ACTN1: variants seen among roughly 807,000 people sequenced by gnomAD.
The protein encoded by ACTN1 is actinin alpha 1, also known as alpha-actinin-1.
In ACTN1, 30 loss-of-function variants were observed where a neutral mutation model predicts 119.6. The ratio of observed to expected loss-of-function variants is 0.25; its 90% CI spans 0.19 to 0.34. The LOEUF (loss-of-function observed/expected upper bound fraction) is 0.34. Among genes scored for constraint, ACTN1 ranks in the 10% least tolerant of loss-of-function variants. ACTN1 has a pLI of 1.00. For missense variants in ACTN1, 764 were observed against 1,223.4 expected (o/e 0.62, Z 5.60); for synonymous variants, 429 against 472.6 (o/e 0.91, Z 1.20).
At chr14:68,945,058 C>T (rs1042842547) in intron 1 of ACTN1, among the ~76,000 whole-genome samples, 2 of 150,700 alleles carry the variant, frequency 1.3e-5, no homozygotes, top group African/African-American at 4.9e-5. Context: ...CCCAGCTACT[C>T]AAAAGGCTAA....
intron 1 of ACTN1, among the ~76,000 whole-genome samples, chr14:68,959,938 T>C (rs2036473186): frequency 6.6e-6 from 1 of 152,226 alleles, no homozygotes; most frequent in Admixed American, 6.5e-5. Context: ...CATAAACATT[T>C]GATTAAAAAC....
At chr14:68,959,600 T>C (rs952534647) in intron 1 of ACTN1, among the ~76,000 whole-genome samples, 5 of 152,202 alleles carry the variant, frequency 3.3e-5, no homozygotes, top group African/African-American at 1.2e-4. Context: ...AATATTAGGC[T>C]AGGCGAAATA....
Position 68,909,593 on chromosome 14 carries a change from G to A in ACTN1, c.516-197C>T, listed in dbSNP as rs1566626735. Reference sequence around the variant, plus strand: ...GGCACTAGGGTCAAGACTTTGTGGGGGGGTTGACAAGTTCAGATAAACCTG... The same window carrying A: ...GGCACTAGGGTCAAGACTTTGTGGGAGGGTTGACAAGTTCAGATAAACCTG... On this transcript the variant is annotated intron_variant, in intron 5 of 21. Transcript: ENST00000394419. The surrounding 1 kb of genome is among the most constrained non-coding windows in gnomAD (Gnocchi z 4.1). Among the ~76,000 whole-genome samples the A allele has an allele frequency of 6.6e-6, 1 of 152,158 alleles. No individual in the cohort carries two copies. Among genetic ancestry groups the A allele is most frequent in the Non-Finnish European group, 1.5e-5 (1 of 68,028 alleles).
chr14:68,962,076 C>G (rs1213758889), intron 1 of ACTN1, among the ~76,000 whole-genome samples: 2 of 152,208 alleles, frequency 1.3e-5, no homozygotes, highest in Non-Finnish European at 2.9e-5. Context: ...ATGGCTCACC[C>G]TCTGCAACAC....
chr14:68,926,009 C>G (rs866599774), intron 1 of ACTN1, among the ~76,000 whole-genome samples: 1 of 152,342 alleles, frequency 6.6e-6, no homozygotes, highest in Middle Eastern at 3.4e-3. Context: ...TTACAAGTTA[C>G]CTCTTAAGTT....
intron 1 of ACTN1, among the ~76,000 whole-genome samples, chr14:68,955,720 G>A (rs1234716005): frequency 6.6e-6 from 1 of 152,330 alleles, no homozygotes; most frequent in African/African-American, 2.4e-5. Context: ...TCCCTGGGAT[G>A]AATCACTGAT....
intron 8 of ACTN1, 85 bp downstream of exon 8, chr14:68,902,392 G>A: frequency 8.7e-7 from 1 of 1,144,104 alleles, no homozygotes; most frequent in Non-Finnish European, 1.3e-6. Context: ...CTGTCACCAG[G>A]AGAGGTGGAG....
chr14:68,899,021 C>T (rs890707153), intron 8 of ACTN1, among the ~76,000 whole-genome samples: 4 of 138,436 alleles, frequency 2.9e-5, no homozygotes, highest in African/African-American at 1.2e-4. Flanking sequence ...ACACCCACAG[C>T]ACACCACACA....
chr14:68,881,632 A>G (rs77158755), intron 16 of ACTN1, among the ~76,000 whole-genome samples: 1 of 152,230 alleles, frequency 6.6e-6, no homozygotes, highest in African/African-American at 2.4e-5. Context: ...ACACATACCA[A>G]TGTGAACTCA....
In ACTN1 at chr14:68,879,014, C is replaced by A; in HGVS notation, c.2336G>T (p.Gly779Val). The change falls in exon 19 of 22, where the codon GGT (glycine) becomes GTT (valine). Residue 779 changes from glycine to valine, a missense_variant. Coordinates refer to ENST00000394419, the MANE Select transcript of ACTN1 (RefSeq NM_001130004.2). This position sits in a 1 kb window ranked among gnomAD's most constrained non-coding sequence, Gnocchi z 4.9. ...EEFKACLISL[G>V]YDIGNDPQKK... ...CTGGGGGTCGTTGCCAATATCATAA[C>A]CCAAGCTGATGAGGCAGGCTTTGAA... 2 of 1,613,300 alleles carry A rather than the reference C, an allele frequency of 1.2e-6. No homozygotes were observed. The highest frequency in any genetic ancestry group is 1.3e-5 in the African/African-American group (1 of 74,708).
intron 1 of ACTN1, among the ~76,000 whole-genome samples, chr14:68,944,949 T>C (rs963199073): frequency 7.9e-5 from 12 of 151,910 alleles, no homozygotes; most frequent in African/African-American, 2.9e-4. Flanking sequence ...CAGGTAGCTG[T>C]AGGTCACCCT....
chr14:68,932,042 A>G (rs563073513), intron 1 of ACTN1, among the ~76,000 whole-genome samples: 64 of 152,040 alleles, frequency 4.2e-4, no homozygotes, highest in African/African-American at 1.4e-3. Flanking sequence ...CAAGGTGCAC[A>G]CTACCATGCC....
Position 68,894,609 on chromosome 14 carries a change from G to C in ACTN1, c.763-862C>G, listed in dbSNP as rs569239270. ...TTCAAATAGGTGGTTTTAAAATCCA[G>C]CTGTGTTCTTGCATACATTCCAACC... On this transcript the variant is annotated intron_variant, in intron 8 of 21. Coordinates refer to ENST00000394419, the MANE Select transcript of ACTN1 (RefSeq NM_001130004.2). 7.9e-5 allele frequency among the ~76,000 whole-genome samples: 12 copies of C among 152,266 alleles called. No homozygotes were observed. In the South Asian group the frequency reaches 8.3e-4, roughly 11 times the overall value.
chr14:68,918,466 G>T (rs1390984758), intron 3 of ACTN1, among the ~76,000 whole-genome samples: 1 of 151,072 alleles, frequency 6.6e-6, no homozygotes, highest in Non-Finnish European at 1.5e-5. Context: ...GGCGCCTGTA[G>T]TCCCAGCTAC....
chr14:68,922,433 C>T (rs970481151), intron 2 of ACTN1, among the ~76,000 whole-genome samples: 2 of 152,218 alleles, frequency 1.3e-5, no homozygotes, highest in African/African-American at 4.8e-5. Context: ...TGGCTGCAAC[C>T]CAGCAAGGTA....
At chr14:68,934,577 C>T (rs940678451) in intron 1 of ACTN1, among the ~76,000 whole-genome samples, 2 of 152,194 alleles carry the variant, frequency 1.3e-5, no homozygotes, top group Non-Finnish European at 2.9e-5. Flanking sequence ...TGGGCACCAG[C>T]CCTTAGCCCA....
At chr14:68,910,788 C>G (rs2033964183) in intron 4 of ACTN1, among the ~76,000 whole-genome samples, 2 of 152,156 alleles carry the variant, frequency 1.3e-5, no homozygotes, top group South Asian at 4.1e-4. Flanking sequence ...CCATACTGTT[C>G]TCGTGGTAGT....
chr14:68,883,193 A>G, intron 14 of ACTN1, 138 bp from the exon 15 acceptor site: 1 of 905,920 alleles, frequency 1.1e-6, no homozygotes, highest in Non-Finnish European at 1.7e-6. Flanking sequence ...GCTGAGAACC[A>G]GGATGGCAGG....
chr14:68,920,065 T>A (rs757327814), intron 3 of ACTN1, among the ~76,000 whole-genome samples: 1 of 152,244 alleles, frequency 6.6e-6, no homozygotes, highest in Non-Finnish European at 1.5e-5. Context: ...TCTCAGGGCA[T>A]TCCTCTGGTG....
Sources: gnomAD v4.1 joint callset for allele counts (sites outside exome capture counted in the v4.1 genomes callset) on GRCh38, gnomAD v4.1.1 for gene constraint, Gnocchi (gnomAD v3.1) non-coding constraint, MANE v1.5 for transcripts, NCBI Gene and HGNC (gene_info 2026-07-23, HGNC 2026-07-21) for gene names.